The following TUBA8 variants were observed in gnomAD, a reference collection of about 807,000 sequenced individuals.
The protein encoded by TUBA8 is tubulin alpha 8, also known as tubulin alpha-8 chain.
Under a neutral mutation model 34.7 loss-of-function variants are expected in TUBA8, and 29 were observed. That is an observed-to-expected ratio of 0.84 (90% CI 0.62 to 1.14). The LOEUF is 1.14. TUBA8 is among the 50% of genes most tolerant of loss of function. The probability of loss-of-function intolerance (pLI) is 0.00; values close to 1 mark genes in which losing one functional copy is unlikely to be tolerated. For synonymous variants in TUBA8, 226 were observed against 231.2 expected (o/e 0.98, Z 0.21); for missense variants, 541 against 599.2 (o/e 0.90, Z 1.01).
Position 18,121,453 on chromosome 22 carries a change from A to G in TUBA8, c.4-26A>G, listed in dbSNP as rs1201855632. 2 of 1,604,994 alleles carry G rather than the reference A, an allele frequency of 1.2e-6. No homozygotes were observed. Among genetic ancestry groups the G allele is most frequent in the Admixed American group, 1.7e-5 (1 of 60,010 alleles). ...GCATGCTGGGGGCCCAGACTCTCTG[A>G]CCTCGTTGCTTCCCTCTCCCCACAG... On this transcript the variant is annotated intron_variant, in intron 1 of 4. Transcript: ENST00000330423. This position sits in a 1 kb window ranked among gnomAD's most constrained non-coding sequence, Gnocchi z 4.8.
In TUBA8 at chr22:18,126,093, C is replaced by A. The variant is rs1928306773; in HGVS notation, c.376-261C>A. Reference sequence around the variant, plus strand: ...GCCCATGCTGGTTGTGAACTCCTGGCCTCAATGGATCCTCCTGCCTCAGCT... The same window carrying A: ...GCCCATGCTGGTTGTGAACTCCTGGACTCAATGGATCCTCCTGCCTCAGCT... On this transcript the variant is annotated intron_variant, in intron 3 of 4. Coordinates refer to ENST00000330423, the MANE Select transcript of TUBA8 (RefSeq NM_018943.3). This position sits in a 1 kb window ranked among gnomAD's most constrained non-coding sequence, Gnocchi z 4.0. The A allele has an allele frequency of 1.9e-6, 1 of 518,240 alleles. No individual in the cohort carries two copies. The highest frequency in any genetic ancestry group is 3.5e-6 in the Non-Finnish European group (1 of 287,796). 32.1% of individuals were successfully genotyped at this position (518,240 alleles called of 1,614,324 possible). A position where few individuals can be genotyped will look rare whatever the true frequency, so the allele number is the denominator to read the frequency against.
At chr22:18,129,414 A>G (rs1928429269) in intron 4 of TUBA8, 1 of 152,192 alleles carries the variant, frequency 6.6e-6, no homozygotes, top group Non-Finnish European at 1.5e-5. Context: ...GCTAAACTTC[A>G]TCTTCTTGCA....
At position 18,118,746 on chromosome 22, in the gene TUBA8, G is replaced by T. The variant is rs1022196305; in HGVS notation, c.4-2733G>T. ...TAGGAAAAATAGCTCTTTCTAAGGGGTGTGTGTGTTTGCACGACGGGGGCG... is the reference window on the plus strand; with the variant it reads ...TAGGAAAAATAGCTCTTTCTAAGGGTTGTGTGTGTTTGCACGACGGGGGCG... On this transcript the variant is annotated intron_variant, in intron 1 of 4. Transcript: ENST00000330423. This position sits in a 1 kb window ranked among gnomAD's most constrained non-coding sequence, Gnocchi z 4.0. The T allele has an allele frequency of 6.6e-6, 1 of 152,180 alleles. No homozygotes were observed. Among genetic ancestry groups the T allele is most frequent in the South Asian group, 2.1e-4 (1 of 4,828 alleles). The allele number at this position is 152,180 out of a possible 1,614,324, so 9.4% of individuals were successfully genotyped here.
In TUBA8 at chr22:18,127,273, T is replaced by A; in HGVS notation, c.1056+239T>A. 3 of 523,656 alleles carry A rather than the reference T, an allele frequency of 5.7e-6. No homozygotes were observed. The East Asian group carries it at 9.4e-5, about 16-fold the overall frequency. The allele number at this position is 523,656 out of a possible 1,614,324, so 32.4% of individuals were successfully genotyped here. ...TATTTTAAATTGATTAATTGGTTAA[T>A]CACCTTTGGTTTTGTTTACTGAGCA... On this transcript the variant is annotated intron_variant, in intron 4 of 4. Transcript: ENST00000330423.
In TUBA8 at chr22:18,111,932, C is replaced by T. The variant is rs555323457; in HGVS notation, c.3+1064C>T. The T allele has an allele frequency of 1.1e-4, 17 of 152,360 alleles. No homozygotes were observed. The highest frequency in any genetic ancestry group is 4.1e-4 in the African/African-American group (17 of 41,572). 9.4% of individuals were successfully genotyped at this position (152,360 alleles called of 1,614,324 possible). A position where few individuals can be genotyped will look rare whatever the true frequency, so the allele number is the denominator to read the frequency against. ...CTGGCTCCCCCGGAGCTCTAGCCTT[C>T]CAGCTTCAGTTTTGTCAGCACCCTC... On this transcript the variant is annotated intron_variant, in intron 1 of 4. Coordinates refer to ENST00000330423, the MANE Select transcript of TUBA8 (RefSeq NM_018943.3). This position sits in a 1 kb window ranked among gnomAD's most constrained non-coding sequence, Gnocchi z 5.1.
At chr22:18,125,504 ACT>A (rs1928284557) in intron 3 of TUBA8, 1 of 129,080 alleles carries the variant, frequency 7.7e-6, no homozygotes, top group Admixed American at 8.5e-5. Context: ...ACAGAGCGAG[ACT>A]CTGTCTCAAA....
chr22:18,123,293 C>G (rs185643065), intron 2 of TUBA8: 1 of 150,808 alleles, frequency 6.6e-6, no homozygotes, highest in Non-Finnish European at 1.5e-5. Context: ...CTCGCTCGGT[C>G]GCCCAGGCTG....
rs975804515 is a variant in TUBA8 at position 18,121,814 on chromosome 22, C to T, written c.226+113C>T. 40 of 1,000,208 alleles carry T rather than the reference C, an allele frequency of 4.0e-5. No homozygotes were observed. Among genetic ancestry groups the T allele is most frequent in the Admixed American group, 1.2e-4 (6 of 48,710 alleles). The allele number at this position is 1,000,208 out of a possible 1,614,324, so 62.0% of individuals were successfully genotyped here. A position where few individuals can be genotyped will look rare whatever the true frequency, so the allele number is the denominator to read the frequency against. ...AGCTGGAAGGTGGGGATGGTGCAAC[C>T]GCAGCCTCCCACCCCACGTGACATC... On this transcript the variant is annotated intron_variant, in intron 2 of 4. Coordinates refer to ENST00000330423, the MANE Select transcript of TUBA8 (RefSeq NM_018943.3). The surrounding 1 kb of genome is among the most constrained non-coding windows in gnomAD (Gnocchi z 4.8).
chr22:18,125,689 C>T (rs1027181348), intron 3 of TUBA8: 1 of 152,908 alleles, frequency 6.5e-6, no homozygotes, highest in African/African-American at 2.4e-5. Context: ...AGTGTGTCGG[C>T]AGCAGTTCCC....
At chr22:18,125,467 A>G (rs577554593) in intron 3 of TUBA8, 2 of 145,694 alleles carry the variant, frequency 1.4e-5, no homozygotes, top group African/African-American at 5.0e-5. Flanking sequence ...GTGAACCAAG[A>G]TTGCACCACT....
At chr22:18,113,560 C>T (rs1217209423) in intron 1 of TUBA8, 4 of 152,210 alleles carry the variant, frequency 2.6e-5, no homozygotes, top group African/African-American at 7.2e-5. Flanking sequence ...CTGGAGAGCA[C>T]GAAGGAGCCC....
Position 18,124,588 on chromosome 22 carries a change from G to A in TUBA8, c.375+284G>A, listed in dbSNP as rs770343014. 3 of 346,758 alleles carry A rather than the reference G, an allele frequency of 8.7e-6. No individual in the cohort carries two copies. The highest frequency in any genetic ancestry group is 4.6e-5 in the East Asian group (1 of 21,600). The allele number at this position is 346,758 out of a possible 1,614,324, so 21.5% of individuals were successfully genotyped here. Reference sequence around the variant, plus strand: ...AGGTTCCGGGTATAAGGCAGGATGAGGTCTCTGCTGGTCGGAAACACAGGT... The same window carrying A: ...AGGTTCCGGGTATAAGGCAGGATGAAGTCTCTGCTGGTCGGAAACACAGGT... On this transcript the variant is annotated intron_variant, in intron 3 of 4. Coordinates refer to ENST00000330423, the MANE Select transcript of TUBA8 (RefSeq NM_018943.3). The surrounding 1 kb of genome is among the most constrained non-coding windows in gnomAD (Gnocchi z 4.3).
At position 18,126,490 on chromosome 22, in the gene TUBA8, T is replaced by C. The variant is rs902561974; in HGVS notation, c.512T>C (p.Ile171Thr). Residue 171 changes from isoleucine (I) to threonine (T), a missense_variant, in exon 4 of 5, where the codon ATC becomes ACC. Coordinates refer to ENST00000330423, the MANE Select transcript of TUBA8 (RefSeq NM_018943.3). The surrounding 1 kb of genome is among the most constrained non-coding windows in gnomAD (Gnocchi z 4.0). ...YGKKSKLEFAIYPAPQVSTAV... is the reference protein window; with the variant it reads ...YGKKSKLEFATYPAPQVSTAV... ...AAGAAATCCAAGCTGGAGTTTGCCA[T>C]CTACCCAGCCCCCCAGGTCTCTACT... The C allele has an allele frequency of 1.9e-6, 3 of 1,613,992 alleles. No homozygotes were observed. Among genetic ancestry groups the C allele is most frequent in the African/African-American group, 1.3e-5 (1 of 74,904 alleles).
chr22:18,126,973 TTGC>T lies in TUBA8; in HGVS notation c.999_1001del (p.Ala334del). On this transcript the variant is annotated inframe_deletion, in exon 4 of 5. Coordinates refer to ENST00000330423, the MANE Select transcript of TUBA8 (RefSeq NM_018943.3). The surrounding 1 kb of genome is among the most constrained non-coding windows in gnomAD (Gnocchi z 4.0). The stretch of plus-strand genomic sequence containing the variant: ...GTGCCCAAGGATGTGAATGTCGCTA[TTGC>T]TGCCATCAAGACCAAGAGGACCATC... The T allele has an allele frequency of 6.2e-7, 1 of 1,613,870 alleles. No homozygotes were observed. The highest frequency in any genetic ancestry group is 8.5e-7 in the Non-Finnish European group (1 of 1,179,908).
rs190172552 is a variant in TUBA8, at chr22:18,118,533, C to G, written c.4-2946C>G. The G allele has an allele frequency of 4.6e-5, 7 of 152,354 alleles. No individual in the cohort carries two copies. In the East Asian group the frequency reaches 1.4e-3, roughly 29 times the overall value. The allele number at this position is 152,354 out of a possible 1,614,324, so 9.4% of individuals were successfully genotyped here. A position where few individuals can be genotyped will look rare whatever the true frequency, so the allele number is the denominator to read the frequency against. ...CAGGCGCTATGCGACATTCCAGGCT[C>G]ATCTAGCACACTCCCCACCCTGGAC... On this transcript the variant is annotated intron_variant, in intron 1 of 4. Coordinates refer to ENST00000330423, the MANE Select transcript of TUBA8 (RefSeq NM_018943.3). The surrounding 1 kb of genome is among the most constrained non-coding windows in gnomAD (Gnocchi z 4.0).
At chr22:18,125,081 C>G (rs1394472446) in intron 3 of TUBA8, 2 of 152,218 alleles carry the variant, frequency 1.3e-5, no homozygotes, top group Non-Finnish European at 2.9e-5. Flanking sequence ...TGGGAAAATC[C>G]TGTGATTCTA....
chr22:18,115,708 A>C (rs1602489865), intron 1 of TUBA8: 1 of 152,228 alleles, frequency 6.6e-6, no homozygotes, highest in Non-Finnish European at 1.5e-5. Context: ...TGGATACCTG[A>C]AGGATGAATG....
chr22:18,117,265 C>T (rs892816940), intron 1 of TUBA8: 4 of 152,142 alleles, frequency 2.6e-5, no homozygotes, highest in African/African-American at 7.2e-5. Context: ...CTAAATGCTT[C>T]GGATGCAACT....
chr22:18,126,526 A>G lies in TUBA8; in HGVS notation c.548A>G (p.Glu183Gly). ...CCCCAGGTCTCTACTGCAGTGGTGG[A>G]GCCCTACAACTCCATCCTGACCACC... ...PAPQVSTAVV[E>G]PYNSILTTHT... The change falls in exon 4 of 5, where the codon GAG (glutamate) becomes GGG (glycine). Residue 183 changes from glutamate (E) to glycine (G), a missense_variant. Glu to Gly is a moderately conservative substitution (Grantham distance 98). Transcript: ENST00000330423. This position sits in a 1 kb window ranked among gnomAD's most constrained non-coding sequence, Gnocchi z 4.0. The G allele has an allele frequency of 1.9e-6, 3 of 1,614,110 alleles. No homozygotes were observed. The highest frequency in any genetic ancestry group is 2.5e-6 in the Non-Finnish European group (3 of 1,180,012).
Sources: gnomAD v4.1 joint callset for allele counts on GRCh38, gnomAD v4.1.1 for gene constraint, Gnocchi (gnomAD v3.1) non-coding constraint, MANE v1.5 for transcripts, NCBI Gene and HGNC (gene_info 2026-07-23, HGNC 2026-07-21) for gene names.